Variants in VEGFA observed in about 807,000 individuals in gnomAD.
VEGFA encodes vascular endothelial growth factor A.
In VEGFA, 20 loss-of-function variants were observed where a neutral mutation model predicts 49.7. That is an observed-to-expected ratio of 0.40 (90% confidence interval 0.28 to 0.58). VEGFA has a LOEUF of 0.58. VEGFA is among the 20% of genes least tolerant of loss of function. The probability of loss-of-function intolerance (pLI) is 0.40; values close to 1 mark genes in which losing one functional copy is unlikely to be tolerated. For synonymous variants in VEGFA, 219 were observed against 223.4 expected, an observed-to-expected ratio of 0.98 and a Z score of 0.18; for missense variants, 505 against 553.5, an observed-to-expected ratio of 0.91 and a Z score of 0.88.
At chr6:43,774,118 T>A (rs1347812963) in intron 1 of VEGFA, 2 of 605,080 alleles carry the variant, frequency 3.3e-6, no homozygotes. Flanking sequence ...AACATCTGGT[T>A]AGTCTTTAAC....
At chr6:43,771,393 TG>T in intron 1 of VEGFA, 81 bp downstream of exon 1, 2 of 1,438,324 alleles carry the variant, frequency 1.4e-6, no homozygotes, top group Non-Finnish European at 1.9e-6. Context: ...AGCGCGCGCG[TG>T]GGGGCTCCGT....
chr6:43,770,588 C>T lies in VEGFA; in HGVS notation c.-119C>T. ...AAGAGAGAGACGGGGTCAGAGAGAGCGCGCGGGCGTGCGAGCAGCGAAAGC... is the reference window on the plus strand; with the variant it reads ...AAGAGAGAGACGGGGTCAGAGAGAGTGCGCGGGCGTGCGAGCAGCGAAAGC... On this transcript the variant is annotated 5_prime_UTR_variant, in exon 1 of 8. Coordinates refer to ENST00000672860, the MANE Select transcript of VEGFA (RefSeq NM_003376.6). 2 of 1,410,900 alleles carry T rather than the reference C, an allele frequency of 1.4e-6. No homozygotes were observed. The highest frequency in any genetic ancestry group is 1.8e-6 in the Non-Finnish European group (2 of 1,088,036). The allele number at this position is 1,410,900 out of a possible 1,614,324, so 87.4% of individuals were successfully genotyped here.
At chr6:43,775,102 G>T in intron 2 of VEGFA, 1 of 153,628 alleles carries the variant, frequency 6.5e-6, no homozygotes, top group Non-Finnish European at 1.5e-5. Context: ...AGGCCCTGGG[G>T]TCTTCCTTCC....
chr6:43,774,779 G>C (rs945693611), intron 2 of VEGFA: 6 of 349,780 alleles, frequency 1.7e-5, no homozygotes, highest in Non-Finnish European at 2.7e-5. Context: ...TGTCCCATTT[G>C]TGGGAACTGT....
rs1022494662 is a variant in VEGFA at position 43,771,061 on chromosome 6, T to G, written c.355T>G (p.Trp119Gly). The change falls in exon 1 of 8, where the codon TGG (tryptophan) becomes GGG (glycine). Residue 119 changes from tryptophan to glycine, a missense_variant. Around this residue, in one of 2 missense-constraint regions of VEGFA, gnomAD observed 340 missense variants for 321.8 expected, o/e 1.06. Transcript: ENST00000672860. ...ACTCGGCGCTCGGAAGCCGGGCTCA[T>G]GGACGGGTGAGGCGGCGGTGTGCGC... 2.6e-6 allele frequency: 4 copies of G among 1,513,660 alleles called. No individual in the cohort carries two copies. The highest frequency in any genetic ancestry group is 3.5e-6 in the Non-Finnish European group (4 of 1,130,862). 93.8% of individuals were successfully genotyped at this position (1,513,660 alleles called of 1,614,324 possible).
chr6:43,781,527 T>C, intron 6 of VEGFA: 1 of 310,758 alleles, frequency 3.2e-6, no homozygotes. Flanking sequence ...ACACCCTACT[T>C]TAGCCCACCT....
intron 5 of VEGFA, chr6:43,779,385 T>A (rs541541065): frequency 2.2e-4 from 77 of 343,980 alleles, no homozygotes; most frequent in South Asian, 2.0e-3. Context: ...CATGCCCTCC[T>A]GTAGGCGGCA....
chr6:43,777,456 G>A lies in VEGFA; in HGVS notation c.659-13G>A, dbSNP rs142499217. The A allele has an allele frequency of 2.7e-4, 441 of 1,613,570 alleles. 1 individual carries two copies. In the East Asian group the frequency reaches 3.1e-3, roughly 11 times the overall value. On this transcript the variant is annotated splice_polypyrimidine_tract_variant and intron_variant, in intron 2 of 7. Coordinates refer to ENST00000672860, the MANE Select transcript of VEGFA (RefSeq NM_003376.6). This position sits in a 1 kb window ranked among gnomAD's most constrained non-coding sequence, Gnocchi z 4.3. ...TCGCCCACCGGGCTCATGTGTCATC[G>A]CCTCTCATGCAGTGGTGAAGTTCAT...
intron 4 of VEGFA, 66 bp from the exon 5 acceptor site, chr6:43,778,823 T>TATC: frequency 1.3e-6 from 2 of 1,540,434 alleles, no homozygotes; most frequent in African/African-American, 2.7e-5. Flanking sequence ...TTGTTATCCC[T>TATC]ATCATTATCA....
chr6:43,782,351 G>A (rs1582530693), intron 7 of VEGFA: 1 of 480,452 alleles, frequency 2.1e-6, no homozygotes, highest in Non-Finnish European at 3.8e-6. Context: ...GTGTGGCTTA[G>A]TGTAGTGGTG....
Position 43,780,067 on chromosome 6 carries a change from A to T in VEGFA, c.963-665A>T, listed in dbSNP as rs139091327. The T allele has an allele frequency of 2.8e-4, 60 of 215,324 alleles. No individual in the cohort carries two copies. The East Asian group carries it at 6.5e-3, about 23-fold the overall frequency. 13.3% of individuals were successfully genotyped at this position (215,324 alleles called of 1,614,324 possible). A position where few individuals can be genotyped will look rare whatever the true frequency, so the allele number is the denominator to read the frequency against. On this transcript the variant is annotated intron_variant, in intron 5 of 7. Transcript: ENST00000672860. The stretch of plus-strand genomic sequence containing the variant: ...CCCAGACCTCCTTAACTCCCACCCC[A>T]TCCTGCTGCCTGCCCAGGGCTCCAG...
intron 5 of VEGFA, chr6:43,779,742 G>T: frequency 2.2e-6 from 1 of 462,228 alleles, no homozygotes; most frequent in East Asian, 6.7e-5. Context: ...TCCACCCTTT[G>T]GTGCTTTCTC....
chr6:43,784,692 C>T lies in VEGFA; in HGVS notation c.*130C>T. 1 of 1,534,374 alleles carries T rather than the reference C, an allele frequency of 6.5e-7. No homozygotes were observed. Among genetic ancestry groups the T allele is most frequent in the East Asian group, 2.3e-5 (1 of 44,428 alleles). On this transcript the variant is annotated 3_prime_UTR_variant, in exon 8 of 8. Coordinates refer to ENST00000672860, the MANE Select transcript of VEGFA (RefSeq NM_003376.6). ...ACACCATCACCATCGACAGAACAGTCCTTAATCCAGAAACCTGAAATGAAG... is the reference window on the plus strand; with the variant it reads ...ACACCATCACCATCGACAGAACAGTTCTTAATCCAGAAACCTGAAATGAAG...
In VEGFA at chr6:43,770,436, T is replaced by G. The variant is rs1161296297; in HGVS notation, c.-271T>G. On this transcript the variant is annotated 5_prime_UTR_variant, in exon 1 of 8. Coordinates refer to ENST00000672860, the MANE Select transcript of VEGFA (RefSeq NM_003376.6). Reference sequence around the variant, plus strand: ...GTTTCTCGTTTTAATTTATTTTTGCTTGCCATTCCCCACTTGAATCGGGCC... The same window carrying G: ...GTTTCTCGTTTTAATTTATTTTTGCGTGCCATTCCCCACTTGAATCGGGCC... 2.0e-6 allele frequency: 1 copy of G among 489,532 alleles called. No homozygotes were observed. The highest frequency in any genetic ancestry group is 3.3e-6 in the Non-Finnish European group (1 of 306,752). 30.3% of individuals were successfully genotyped at this position (489,532 alleles called of 1,614,324 possible). A position where few individuals can be genotyped will look rare whatever the true frequency, so the allele number is the denominator to read the frequency against.
At chr6:43,781,516 C>T (rs1271636623) in intron 6 of VEGFA, 1 of 302,068 alleles carries the variant, frequency 3.3e-6, no homozygotes, top group Non-Finnish European at 6.5e-6. Flanking sequence ...AGCCTCCCAT[C>T]ACACCCTACT....
chr6:43,784,959 C>T lies in VEGFA; in HGVS notation c.*397C>T, dbSNP rs538948863. ...ATTATATATATATAAAAATAAATAT[C>T]TCTATTTTATATATATAAAATATAT... is the stretch of plus-strand genomic sequence containing the variant. On this transcript the variant is annotated 3_prime_UTR_variant, in exon 8 of 8. Transcript: ENST00000672860. 1.2e-4 allele frequency: 22 copies of T among 176,908 alleles called. No individual in the cohort carries two copies. Among genetic ancestry groups the T allele is most frequent in the African/African-American group, 4.8e-4 (20 of 41,512 alleles). 11.0% of individuals were successfully genotyped at this position (176,908 alleles called of 1,614,324 possible).
rs535328554 is a variant in VEGFA at position 43,783,988 on chromosome 6, C to G, written c.1167-553C>G. On this transcript the variant is annotated intron_variant, in intron 7 of 7. Coordinates refer to ENST00000672860, the MANE Select transcript of VEGFA (RefSeq NM_003376.6). ...CCTCACCTTCCTGGGGCCTCCTGCTCTACGCTACCCCCTCGGGAGCCTCCT... is the reference window on the plus strand; with the variant it reads ...CCTCACCTTCCTGGGGCCTCCTGCTGTACGCTACCCCCTCGGGAGCCTCCT... 1.7e-5 allele frequency: 3 copies of G among 176,350 alleles called. No homozygotes were observed. In the South Asian group the frequency reaches 3.8e-4, roughly 22 times the overall value. The allele number at this position is 176,350 out of a possible 1,614,324, so 10.9% of individuals were successfully genotyped here.
At position 43,770,430 on chromosome 6, in the gene VEGFA, T is replaced by G. The variant is rs1472244663; in HGVS notation, c.-277T>G. The G allele has an allele frequency of 6.5e-6, 3 of 464,880 alleles. No homozygotes were observed. The East Asian group carries it at 1.1e-4, about 17-fold the overall frequency. The allele number at this position is 464,880 out of a possible 1,614,324, so 28.8% of individuals were successfully genotyped here. A position where few individuals can be genotyped will look rare whatever the true frequency, so the allele number is the denominator to read the frequency against. Reference sequence around the variant, plus strand: ...TGTATTGTTTCTCGTTTTAATTTATTTTTGCTTGCCATTCCCCACTTGAAT... The same window carrying G: ...TGTATTGTTTCTCGTTTTAATTTATGTTTGCTTGCCATTCCCCACTTGAAT... On this transcript the variant is annotated 5_prime_UTR_variant, in exon 1 of 8. It adds an upstream start codon to the 5' untranslated region. Transcript: ENST00000672860.
Position 43,777,567 on chromosome 6 carries a change from T to A in VEGFA, c.757T>A (p.Phe253Ile). 1.2e-6 allele frequency: 2 copies of A among 1,614,188 alleles called. No individual in the cohort carries two copies. The highest frequency in any genetic ancestry group is 8.5e-7 in the Non-Finnish European group (1 of 1,180,044). Residue 253 changes from phenylalanine to isoleucine, a missense_variant, in exon 3 of 8, where the codon TTC becomes ATC. By Grantham distance (21) the Phe-to-Ile change is conservative. This residue lies in a region of VEGFA where 165 missense variants were observed against 231.7 expected (regional missense o/e 0.71). Coordinates refer to ENST00000672860, the MANE Select transcript of VEGFA (RefSeq NM_003376.6). The surrounding 1 kb of genome is among the most constrained non-coding windows in gnomAD (Gnocchi z 4.3). ...GTACCCTGATGAGATCGAGTACATC[T>A]TCAAGCCATCCTGTGTGCCCCTGAT... is the stretch of plus-strand genomic sequence containing the variant.
Sources: allele counts gnomAD v4.1 joint callset, GRCh38; gene constraint gnomAD v4.1.1; regional missense constraint gnomAD v4.1.1; non-coding constraint Gnocchi (gnomAD v3.1); transcripts MANE v1.5; gene names NCBI Gene and HGNC (gene_info 2026-07-23, HGNC 2026-07-21).